Variants in ZDHHC20 observed in about 807,000 individuals in gnomAD.
ZDHHC20 encodes palmitoyltransferase ZDHHC20.
A neutral mutation model predicts 57.8 loss-of-function variants in ZDHHC20; 43 were observed. That is an observed-to-expected ratio of 0.74 (90% CI 0.58 to 0.96). The LOEUF is 0.96. Among genes scored for constraint, ZDHHC20 ranks in the 40% least tolerant of loss-of-function variants. The pLI is 0.00. For missense variants in ZDHHC20, 391 were observed against 441.1 expected (o/e 0.89, Z 1.02); for synonymous variants, 157 against 153.0 (o/e 1.03, Z -0.19).
At chr13:21,453,748 T>G (rs139781910) in intron 1 of ZDHHC20, among the ~76,000 whole-genome samples, 279 of 152,292 alleles carry the variant, frequency 1.8e-3, no homozygotes, top group African/African-American at 6.0e-3. Context: ...GAAAATAATT[T>G]GAATTTTGAA....
Position 21,376,632 on chromosome 13 carries a change from C to G in ZDHHC20, c.*64G>C. On this transcript the variant is annotated 3_prime_UTR_variant, in exon 13 of 13. Coordinates refer to ENST00000400590, the MANE Select transcript of ZDHHC20 (RefSeq NM_001330059.2). ...TTCTTGCAAATGAAAATTGAAAATA[C>G]CAGTCTATAATGTTTTCATACACCT... 3.6e-6 allele frequency: 5 copies of G among 1,388,926 alleles called. No homozygotes were observed. Among genetic ancestry groups the G allele is most frequent in the Non-Finnish European group, 4.8e-6 (5 of 1,034,106 alleles). 86.0% of individuals were successfully genotyped at this position (1,388,926 alleles called of 1,614,324 possible).
chr13:21,411,548 C>A (rs1879220714), intron 4 of ZDHHC20, among the ~76,000 whole-genome samples: 1 of 152,130 alleles, frequency 6.6e-6, no homozygotes, highest in Non-Finnish European at 1.5e-5. Flanking sequence ...GAATGAGTAT[C>A]TTCTTTTCTC....
chr13:21,459,009 A>T (rs1379454036), intron 1 of ZDHHC20, 45 bp downstream of exon 1: 2 of 1,501,830 alleles, frequency 1.3e-6, no homozygotes, highest in South Asian at 2.4e-5. Flanking sequence ...CTCGCGCCCT[A>T]GCCGCGGCCC....
Position 21,373,217 on chromosome 13 carries a change from T to G in ZDHHC20, c.*3479A>C, listed in dbSNP as rs1435521344. On this transcript the variant is annotated 3_prime_UTR_variant, in exon 13 of 13. Transcript: ENST00000400590. ...GAACAAAAGGTAAGCAAAACTTATTTGTAAGTTACTGCCTATTCAATGCCC... is the reference window on the plus strand; with the variant it reads ...GAACAAAAGGTAAGCAAAACTTATTGGTAAGTTACTGCCTATTCAATGCCC... 1 of 152,218 alleles carries G rather than the reference T, an allele frequency of 6.6e-6. No individual in the cohort carries two copies. Among genetic ancestry groups the G allele is most frequent in the Non-Finnish European group, 1.5e-5 (1 of 68,022 alleles). 9.4% of individuals were successfully genotyped at this position (152,218 alleles called of 1,614,324 possible).
At chr13:21,414,228 C>CTT (rs34795716) in intron 3 of ZDHHC20, among the ~76,000 whole-genome samples, 1,850 of 140,740 alleles carry the variant, frequency 0.013, 44 homozygotes, top group African/African-American at 0.04. Flanking sequence ...GCCAAGGAGT[C>CTT]TTTTTTTTTT....
chr13:21,398,836 C>A (rs1463575948), intron 7 of ZDHHC20, among the ~76,000 whole-genome samples: 1 of 152,152 alleles, frequency 6.6e-6, no homozygotes, highest in African/African-American at 2.4e-5. Context: ...GGGGAATGGG[C>A]TCAGCCCATG....
chr13:21,414,439 C>A lies in ZDHHC20; in HGVS notation c.250-667G>T, dbSNP rs141328351. The stretch of plus-strand genomic sequence containing the variant: ...GCAGTGGAGTGATTTCGGCTCACTG[C>A]AAGCTCCGCCTCCCGGGTTCATGCC... On this transcript the variant is annotated intron_variant, in intron 3 of 12. Coordinates refer to ENST00000400590, the MANE Select transcript of ZDHHC20 (RefSeq NM_001330059.2). Among the ~76,000 whole-genome samples, 887 of 151,352 alleles carry A rather than the reference C, an allele frequency of 5.9e-3. 7 individuals carry two copies. The highest frequency in any genetic ancestry group is 0.02 in the African/African-American group (830 of 41,266).
chr13:21,431,209 G>A (rs1422434119), intron 1 of ZDHHC20, among the ~76,000 whole-genome samples: 2 of 152,174 alleles, frequency 1.3e-5, no homozygotes, highest in Non-Finnish European at 2.9e-5. Context: ...ACATGGCTGG[G>A]GAGGCCTCAG....
In ZDHHC20 at chr13:21,405,891, T is replaced by C. The variant is rs191991245; in HGVS notation, c.371-3025A>G. ...CTAAGTTAAGTCCCTGCTTCCATAATGCTTGGGTGCACCAGCAGGATCTGA... is the reference window on the plus strand; with the variant it reads ...CTAAGTTAAGTCCCTGCTTCCATAACGCTTGGGTGCACCAGCAGGATCTGA... On this transcript the variant is annotated intron_variant, in intron 4 of 12. Coordinates refer to ENST00000400590, the MANE Select transcript of ZDHHC20 (RefSeq NM_001330059.2). 3.9e-5 allele frequency among the ~76,000 whole-genome samples: 6 copies of C among 152,336 alleles called. No individual in the cohort carries two copies. In the East Asian group the frequency reaches 1.2e-3, roughly 29 times the overall value.
At chr13:21,425,180 G>T (rs1024723054) in intron 2 of ZDHHC20, among the ~76,000 whole-genome samples, 20 of 152,028 alleles carry the variant, frequency 1.3e-4, no homozygotes, top group African/African-American at 4.8e-4. Context: ...CCTTAAACTG[G>T]TAATGCAATT....
rs763826869 is a variant in ZDHHC20, at chr13:21,374,638, T to C, written c.*2058A>G. The C allele has an allele frequency of 8.6e-6, 2 of 232,550 alleles. No homozygotes were observed. Among genetic ancestry groups the C allele is most frequent in the African/African-American group, 2.3e-5 (1 of 43,972 alleles). The allele number at this position is 232,550 out of a possible 1,614,324, so 14.4% of individuals were successfully genotyped here. Reference sequence around the variant, plus strand: ...CCATACTATAATATCCCAAATTATGTTTTCAAAGCTAACTCATTCCTTTGG... The same window carrying C: ...CCATACTATAATATCCCAAATTATGCTTTCAAAGCTAACTCATTCCTTTGG... On this transcript the variant is annotated 3_prime_UTR_variant, in exon 13 of 13. Coordinates refer to ENST00000400590, the MANE Select transcript of ZDHHC20 (RefSeq NM_001330059.2).
At chr13:21,405,761 A>G (rs1440436754) in intron 4 of ZDHHC20, among the ~76,000 whole-genome samples, 1 of 152,228 alleles carries the variant, frequency 6.6e-6, no homozygotes, top group African/African-American at 2.4e-5. Flanking sequence ...TTGTCTAATG[A>G]TGGAAAAATA....
chr13:21,393,599 GGAGGCT>G (rs1446968081), intron 7 of ZDHHC20, among the ~76,000 whole-genome samples: 1 of 150,300 alleles, frequency 6.7e-6, no homozygotes, highest in Non-Finnish European at 1.5e-5. Context: ...CAGCTACTTG[GGAGGCT>G]GAGGCAGGAG....
chr13:21,378,773 A>T, intron 11 of ZDHHC20, 35 bp from the exon 12 acceptor site: 1 of 1,129,648 alleles, frequency 8.9e-7, no homozygotes, highest in South Asian at 1.9e-5. Context: ...CATGACAAAA[A>T]AAAAAAAAAA....
intron 10 of ZDHHC20, chr13:21,381,762 A>G: frequency 1.7e-6 from 1 of 584,918 alleles, no homozygotes. Flanking sequence ...GTATTCCAAC[A>G]CTGCCAATGA....
At chr13:21,394,757 T>C (rs556337957) in intron 7 of ZDHHC20, among the ~76,000 whole-genome samples, 14 of 152,304 alleles carry the variant, frequency 9.2e-5, no homozygotes, top group African/African-American at 3.1e-4. Flanking sequence ...GTATGGTTAG[T>C]ATGTTGTGAA....
chr13:21,441,224 G>A (rs1368362296), intron 1 of ZDHHC20, among the ~76,000 whole-genome samples: 3 of 152,156 alleles, frequency 2.0e-5, no homozygotes, highest in African/African-American at 7.2e-5. Flanking sequence ...GTCTATGAAC[G>A]TAAAGTATGA....
In ZDHHC20 at chr13:21,374,559, T is replaced by G. The variant is rs536333716; in HGVS notation, c.*2137A>C. ...AATAATTGGTATCTCTTAAATCTCA[T>G]TCTAGTTTGCTAGAATCAAGATTAC... On this transcript the variant is annotated 3_prime_UTR_variant, in exon 13 of 13. Transcript: ENST00000400590. The G allele has an allele frequency of 6.1e-6, 2 of 329,910 alleles. No homozygotes were observed. The highest frequency in any genetic ancestry group is 1.6e-4 in the East Asian group (2 of 12,808). 20.4% of individuals were successfully genotyped at this position (329,910 alleles called of 1,614,324 possible). A position where few individuals can be genotyped will look rare whatever the true frequency, so the allele number is the denominator to read the frequency against.
intron 7 of ZDHHC20, among the ~76,000 whole-genome samples, chr13:21,397,166 G>A (rs545724903): frequency 1.3e-5 from 2 of 152,162 alleles, no homozygotes; most frequent in Non-Finnish European, 2.9e-5. Context: ...AGACCGAGGC[G>A]GGCGGATCAC....
Sources: allele counts gnomAD v4.1 joint callset (sites outside exome capture counted in the v4.1 genomes callset), GRCh38; gene constraint gnomAD v4.1.1; transcripts MANE v1.5; gene names NCBI Gene and HGNC (gene_info 2026-07-23, HGNC 2026-07-21).